RGSL1: variants seen among roughly 807,000 people sequenced by gnomAD.
RGSL1 encodes regulator of G protein signaling protein-like.
In RGSL1, 97 loss-of-function variants were observed where a neutral mutation model predicts 124.7. That is an observed-to-expected ratio of 0.78 (90% CI 0.66 to 0.92). The LOEUF is 0.92. Among genes scored for constraint, RGSL1 ranks in the 40% least tolerant of loss-of-function variants. The pLI is 0.00. For missense variants in RGSL1, 1,233 were observed against 1,288.4 expected, an observed-to-expected ratio of 0.96 and a Z score of 0.66; for synonymous variants, 424 against 438.1, an observed-to-expected ratio of 0.97 and a Z score of 0.40.
intron 4 of RGSL1, among the ~76,000 whole-genome samples, chr1:182,462,033 G>C (rs546855674): frequency 6.9e-6 from 1 of 145,108 alleles, no homozygotes; most frequent in African/African-American, 2.5e-5. Context: ...CTCCAAGTAA[G>C]ATGAACTCAA....
intron 4 of RGSL1, 67 bp downstream of exon 4, chr1:182,460,200 T>G: frequency 6.8e-7 from 1 of 1,476,090 alleles, no homozygotes; most frequent in Non-Finnish European, 9.0e-7. Context: ...ATATAGGAAG[T>G]CACACTTCAT....
chr1:182,512,198 A>G (rs1231351440), intron 9 of RGSL1, among the ~76,000 whole-genome samples: 1 of 152,168 alleles, frequency 6.6e-6, no homozygotes, highest in Non-Finnish European at 1.5e-5. Context: ...CTCTGGTGTT[A>G]GGCACATAAA....
upstream of RGSL1, among the ~76,000 whole-genome samples, chr1:182,449,754 A>G (rs1011363054): frequency 6.6e-6 from 1 of 152,164 alleles, no homozygotes; most frequent in African/African-American, 2.4e-5. Flanking sequence ...TGATGTTTTA[A>G]ATGGGCAGAA....
chr1:182,505,527 G>A (rs74468339), intron 9 of RGSL1, among the ~76,000 whole-genome samples: 2,539 of 152,108 alleles, frequency 0.017, 66 homozygotes, highest in African/African-American at 0.058. Context: ...CATTTTTGTC[G>A]TATCCTTAGT....
intron 10 of RGSL1, among the ~76,000 whole-genome samples, chr1:182,522,500 T>C (rs1015092846): frequency 1.2e-4 from 18 of 152,312 alleles, no homozygotes; most frequent in African/African-American, 4.3e-4. Flanking sequence ...TTCTGGATTA[T>C]GTACTGCTGT....
chr1:182,475,632 C>A (rs1241628893), intron 6 of RGSL1, among the ~76,000 whole-genome samples: 1 of 152,064 alleles, frequency 6.6e-6, no homozygotes, highest in African/African-American at 2.4e-5. Context: ...AACTAGTTCA[C>A]AGTGATCTAG....
At chr1:182,499,254 T>C (rs1406447897) in intron 9 of RGSL1, among the ~76,000 whole-genome samples, 1 of 152,238 alleles carries the variant, frequency 6.6e-6, no homozygotes, top group African/African-American at 2.4e-5. Context: ...CTCAAAGTTC[T>C]AATACCATCA....
chr1:182,473,729 A>C lies in RGSL1; in HGVS notation c.618A>C (p.Glu206Asp). Residue 206 changes from glutamate to aspartate, a missense_variant, in exon 6 of 22, where the codon GAA (glutamate) becomes GAC (aspartate). Transcript: ENST00000294854. Reference sequence around the variant, plus strand: ...CCAAGATGACCATGGCCAAGGAGGAAGCATGCCATGGTCTGATGCAAGAGT... The same window carrying C: ...CCAAGATGACCATGGCCAAGGAGGACGCATGCCATGGTCTGATGCAAGAGT... ...THTKMTMAKE[E>D]ACHGLMQEYE... 6.4e-7 allele frequency: 1 copy of C among 1,551,758 alleles called. No homozygotes were observed. The highest frequency in any genetic ancestry group is 8.7e-7 in the Non-Finnish European group (1 of 1,147,004).
In RGSL1 at chr1:182,501,262, TTCTC is replaced by T. The variant is rs998817922; in HGVS notation, c.1825+8137_1825+8140del. 2.8e-3 allele frequency among the ~76,000 whole-genome samples: 109 copies of T among 39,458 alleles called. 1 individual carries two copies. Among genetic ancestry groups the T allele is most frequent in the African/African-American group, 0.012 (105 of 8,508 alleles). The allele number at this position is 39,458 out of a possible 152,430, so 25.9% of individuals were successfully genotyped here. ...TGATTTTCGTCCTTCCTTTCTCTCT[TTCTC>T]TCTTTCTTTCTTTTTTTTCTTTTCT... On this transcript the variant is annotated intron_variant, in intron 9 of 21. Coordinates refer to ENST00000294854, the MANE Select transcript of RGSL1 (RefSeq NM_001137669.2).
At chr1:182,466,627 T>C (rs1326262944) in intron 4 of RGSL1, among the ~76,000 whole-genome samples, 1 of 152,056 alleles carries the variant, frequency 6.6e-6, no homozygotes, top group Non-Finnish European at 1.5e-5. Context: ...CTTAAGGAGG[T>C]GAAAGACTTG....
chr1:182,448,586 A>T (rs1396380694), upstream of RGSL1, among the ~76,000 whole-genome samples: 1 of 151,650 alleles, frequency 6.6e-6, no homozygotes. Flanking sequence ...AAATATACAG[A>T]CTCCTGAGCC....
chr1:182,483,054 G>A (rs1186656721), intron 6 of RGSL1, among the ~76,000 whole-genome samples: 4 of 152,166 alleles, frequency 2.6e-5, no homozygotes, highest in Admixed American at 2.6e-4. Flanking sequence ...CTTATGTATT[G>A]AATCTAAATC....
At chr1:182,509,525 T>A (rs1160478306) in intron 9 of RGSL1, among the ~76,000 whole-genome samples, 2 of 96,542 alleles carry the variant, frequency 2.1e-5, no homozygotes, top group East Asian at 5.8e-4. Flanking sequence ...ACGGGGCAGC[T>A]GGCCGGGTGG....
Position 182,524,389 on chromosome 1 carries a change from C to CAGTGGA in RGSL1, c.1931+2284_1931+2285insGAAGTG, listed in dbSNP as rs1658583984. Among the ~76,000 whole-genome samples, 5 of 152,120 alleles carry CAGTGGA rather than the reference C, an allele frequency of 3.3e-5. No individual in the cohort carries two copies. In the South Asian group the frequency reaches 1.0e-3, roughly 32 times the overall value. Reference sequence around the variant, plus strand: ...GCAAATGATAAAGATCTGAGGTAAACAGTGCAAGTGGAAGTGGAAGGGAAA... The same window carrying CAGTGGA: ...GCAAATGATAAAGATCTGAGGTAAACAGTGGAAGTGCAAGTGGAAGTGGAAGGGAAA... On this transcript the variant is annotated intron_variant, in intron 10 of 21. Transcript: ENST00000294854.
At chr1:182,549,676 G>A (rs200650312) in intron 17 of RGSL1, 2 of 151,926 alleles carry the variant, frequency 1.3e-5, no homozygotes, top group East Asian at 3.8e-4. Context: ...ACTCTTAGAA[G>A]TTCCCATCTT....
chr1:182,498,363 C>T (rs139222892), intron 9 of RGSL1, among the ~76,000 whole-genome samples: 6 of 144,496 alleles, frequency 4.2e-5, no homozygotes, highest in African/African-American at 1.3e-4. Context: ...TAGAATCAGT[C>T]GTTTATTTGA....
At chr1:182,531,107 T>G (rs1169455181) in intron 13 of RGSL1, among the ~76,000 whole-genome samples, 197 bp downstream of exon 13, 1 of 152,198 alleles carries the variant, frequency 6.6e-6, no homozygotes, top group East Asian at 1.9e-4. Flanking sequence ...GTTGGACACA[T>G]GGAGTTCTTC....
Position 182,538,824 on chromosome 1 carries a change from C to G in RGSL1, c.2495-1423C>G, listed in dbSNP as rs1042721002. 2.0e-5 allele frequency among the ~76,000 whole-genome samples: 3 copies of G among 152,096 alleles called. No individual in the cohort carries two copies. In the South Asian group the frequency reaches 6.3e-4, roughly 32 times the overall value. On this transcript the variant is annotated intron_variant, in intron 14 of 21. Transcript: ENST00000294854. Reference sequence around the variant, plus strand: ...CAGGTCAGGGACCTAGTCCTGACCCCGAGAACACTTAAGCGGCTTTTGGAA... The same window carrying G: ...CAGGTCAGGGACCTAGTCCTGACCCGGAGAACACTTAAGCGGCTTTTGGAA...
chr1:182,468,608 G>A (rs1055807771), intron 4 of RGSL1, among the ~76,000 whole-genome samples: 1 of 152,042 alleles, frequency 6.6e-6, no homozygotes, highest in East Asian at 1.9e-4. Flanking sequence ...CACACCCTGG[G>A]GCCTGTTGTA....
Sources: gnomAD v4.1 joint callset for allele counts (sites outside exome capture counted in the v4.1 genomes callset) on GRCh38, gnomAD v4.1.1 for gene constraint, MANE v1.5 for transcripts, NCBI Gene and HGNC (gene_info 2026-07-23, HGNC 2026-07-21) for gene names.